The following PRIM2 variants were observed in gnomAD, a reference collection of about 807,000 sequenced individuals.
The protein encoded by PRIM2 is DNA primase subunit 2.
Under a neutral mutation model 67.3 loss-of-function variants are expected in PRIM2, and 39 were observed. The observed-to-expected ratio is 0.58, with a 90% CI of 0.45 to 0.76. PRIM2 has a LOEUF of 0.76. Ranked by LOEUF, PRIM2 falls within the 30% of genes least tolerant of loss-of-function variation. The pLI is 0.00. For missense variants in PRIM2, 398 were observed against 598.7 expected (o/e 0.66, Z 3.50); for synonymous variants, 143 against 198.7 (o/e 0.72, Z 2.36).
At chr6:57,344,311 A>T (rs1184005004) in intron 5 of PRIM2, among the ~76,000 whole-genome samples, 4 of 152,152 alleles carry the variant, frequency 2.6e-5, no homozygotes, top group Non-Finnish European at 5.9e-5. Flanking sequence ...CATCTTTAAG[A>T]TGAGTATAGC....
chr6:57,440,916 A>G (rs1302071955), intron 7 of PRIM2, among the ~76,000 whole-genome samples: 2 of 152,210 alleles, frequency 1.3e-5, no homozygotes, highest in Non-Finnish European at 1.5e-5. Flanking sequence ...CAAAATAAGT[A>G]TAGCAGAACA....
At chr6:57,312,122 A>G (rs1767404353), upstream of PRIM2, among the ~76,000 whole-genome samples, 1 of 152,010 alleles carries the variant, frequency 6.6e-6, no homozygotes, top group Non-Finnish European at 1.5e-5. Context: ...CTTGATACTA[A>G]CAATGACCCT....
intron 7 of PRIM2, among the ~76,000 whole-genome samples, chr6:57,482,704 G>A (rs1773660357): frequency 6.6e-6 from 1 of 152,148 alleles, no homozygotes; most frequent in Non-Finnish European, 1.5e-5. Flanking sequence ...GAGCAAAGAT[G>A]CTTGATAAGA....
chr6:57,525,481 G>A (rs1309620676), intron 8 of PRIM2, among the ~76,000 whole-genome samples: 6 of 152,012 alleles, frequency 3.9e-5, no homozygotes, highest in Non-Finnish European at 8.8e-5. Context: ...CTCCCTAGTT[G>A]CTCATTCCTA....
intron 7 of PRIM2, among the ~76,000 whole-genome samples, chr6:57,392,120 A>C (rs1770372233): frequency 6.6e-6 from 1 of 151,798 alleles, no homozygotes; most frequent in South Asian, 2.1e-4. Context: ...TAGGTATTTT[A>C]TTCTTTTTGT....
chr6:57,287,589 T>G, the PRIM2 span, among the ~76,000 whole-genome samples: 1 of 151,892 alleles, frequency 6.6e-6, no homozygotes, highest in African/African-American at 2.4e-5. Context: ...GAGGGGACCA[T>G]CACACACTGG....
chr6:57,408,560 C>T (rs1388709507), intron 7 of PRIM2, among the ~76,000 whole-genome samples: 1 of 151,964 alleles, frequency 6.6e-6, no homozygotes, highest in Admixed American at 6.6e-5. Context: ...CATTTAATTT[C>T]CTCCCTCCAC....
At chr6:57,333,574 A>G (rs550231514) in intron 5 of PRIM2, among the ~76,000 whole-genome samples, 51 of 151,908 alleles carry the variant, frequency 3.4e-4, no homozygotes, top group Non-Finnish European at 4.6e-4. Flanking sequence ...TCTTTTTATT[A>G]TTGCTTTAAT....
the PRIM2 span, among the ~76,000 whole-genome samples, chr6:57,239,284 G>A: frequency 6.6e-6 from 1 of 152,062 alleles, no homozygotes; most frequent in Non-Finnish European, 1.5e-5. Flanking sequence ...AGCCACCATG[G>A]CTGGCATGTT....
chr6:57,315,787 AC>A (rs1767469754), upstream of PRIM2, among the ~76,000 whole-genome samples: 1 of 151,854 alleles, frequency 6.6e-6, no homozygotes, highest in South Asian at 2.1e-4. Flanking sequence ...ATAATTTTAT[AC>A]TTTTTATGGT....
At chr6:57,375,240 C>T (rs1769720647) in intron 5 of PRIM2, among the ~76,000 whole-genome samples, 1 of 152,154 alleles carries the variant, frequency 6.6e-6, no homozygotes, top group Admixed American at 6.5e-5. Context: ...AGGTATGTTC[C>T]TTCAATACCC....
intron 13 of PRIM2, among the ~76,000 whole-genome samples, chr6:57,636,618 T>G (rs1777126860): frequency 1.3e-5 from 2 of 152,170 alleles, no homozygotes. Flanking sequence ...CAAAATGAGT[T>G]AAGGACAATT....
chr6:57,521,378 T>TGTTTG (rs1364076017), intron 8 of PRIM2, among the ~76,000 whole-genome samples: 6 of 147,364 alleles, frequency 4.1e-5, no homozygotes, highest in African/African-American at 1.2e-4. Flanking sequence ...TTTTTTTTTT[T>TGTTTG]TTTTTTTTTT....
intron 7 of PRIM2, among the ~76,000 whole-genome samples, chr6:57,435,983 A>G (rs1771999519): frequency 6.6e-6 from 1 of 152,244 alleles, no homozygotes; most frequent in Non-Finnish European, 1.5e-5. Context: ...GCCAAATTAC[A>G]TTCAGAGGCT....
the PRIM2 span, among the ~76,000 whole-genome samples, chr6:57,248,360 C>T: frequency 3.9e-5 from 6 of 152,180 alleles, no homozygotes; most frequent in Non-Finnish European, 8.8e-5. Context: ...CAGTCTCATA[C>T]TCCTTTAACT....
the PRIM2 span, among the ~76,000 whole-genome samples, chr6:57,296,437 T>A: frequency 6.6e-6 from 1 of 151,418 alleles, no homozygotes. Context: ...AGAAAAAAAG[T>A]CAAAAATGAA....
chr6:57,359,879 C>T (rs1769141175), intron 5 of PRIM2, among the ~76,000 whole-genome samples: 1 of 152,184 alleles, frequency 6.6e-6, no homozygotes, highest in Non-Finnish European at 1.5e-5. Flanking sequence ...ATTGGTGAAT[C>T]TGCTTAAAAG....
At chr6:57,640,722 T>C (rs1232448446) in intron 13 of PRIM2, among the ~76,000 whole-genome samples, 1 of 152,002 alleles carries the variant, frequency 6.6e-6, no homozygotes, top group Non-Finnish European at 1.5e-5. Context: ...CTCAAGGAAA[T>C]AAGAGAAGAC....
intron 5 of PRIM2, among the ~76,000 whole-genome samples, chr6:57,358,150 T>A (rs1769093343): frequency 6.6e-6 from 1 of 152,232 alleles, no homozygotes; most frequent in African/African-American, 2.4e-5. Context: ...ATTGTAAAGT[T>A]TAAATTCTCA....
Sources: allele counts gnomAD v4.1 joint callset (sites outside exome capture counted in the v4.1 genomes callset), GRCh38; gene constraint gnomAD v4.1.1; transcripts MANE v1.5; gene names NCBI Gene and HGNC (gene_info 2026-07-23, HGNC 2026-07-21).